Variants in OCA2 observed in about 807,000 individuals in gnomAD.
OCA2 encodes OCA2 melanosomal transmembrane protein.
In OCA2, 77 loss-of-function variants were observed where a neutral mutation model predicts 100.2. The observed-to-expected ratio is 0.77, with a 90% CI of 0.64 to 0.93. OCA2 has a LOEUF of 0.93. Ranked by LOEUF, OCA2 falls within the 40% of genes least tolerant of loss-of-function variation. The pLI, the probability that OCA2 is intolerant of heterozygous loss-of-function variation, is 0.00. For missense variants in OCA2, 1,062 were observed against 1,089.1 expected (o/e 0.98, Z 0.35); for synonymous variants, 432 against 439.2 (o/e 0.98, Z 0.21).
intron 2 of OCA2, among the ~76,000 whole-genome samples, chr15:28,054,186 G>C (rs2043610075): frequency 6.6e-6 from 1 of 151,928 alleles, no homozygotes; most frequent in South Asian, 2.1e-4. Context: ...GTGTGTATGG[G>C]TATGTGTGCA....
intron 15 of OCA2, among the ~76,000 whole-genome samples, chr15:27,960,748 C>A (rs1310764576): frequency 6.6e-6 from 1 of 151,810 alleles, no homozygotes; most frequent in Non-Finnish European, 1.5e-5. Flanking sequence ...ACTAAAAATA[C>A]AAAAAATTAG....
chr15:27,861,556 C>A (rs1033838081), intron 21 of OCA2, among the ~76,000 whole-genome samples: 1 of 151,976 alleles, frequency 6.6e-6, no homozygotes, highest in Non-Finnish European at 1.5e-5. Flanking sequence ...GAGCCCCGTG[C>A]AGGGAGGAGG....
At chr15:27,889,220 C>T (rs1489359007) in intron 19 of OCA2, among the ~76,000 whole-genome samples, 2 of 152,240 alleles carry the variant, frequency 1.3e-5, no homozygotes, top group Middle Eastern at 3.4e-3. Context: ...ACTTAGCTAC[C>T]CTTGAGCGCT....
At chr15:27,970,452 G>T (rs538701692) in intron 14 of OCA2, among the ~76,000 whole-genome samples, 1 of 152,202 alleles carries the variant, frequency 6.6e-6, no homozygotes, top group Admixed American at 6.5e-5. Flanking sequence ...AGCATGGCAG[G>T]AACGCAGGAA....
intron 2 of OCA2, among the ~76,000 whole-genome samples, chr15:28,053,491 C>T (rs2043581879): frequency 6.6e-6 from 1 of 152,196 alleles, no homozygotes; most frequent in African/African-American, 2.4e-5. Context: ...TGATTCCAAG[C>T]ATTTCTCAAG....
At chr15:27,766,976 C>T (rs1001551489) in intron 23 of OCA2, among the ~76,000 whole-genome samples, 2 of 152,238 alleles carry the variant, frequency 1.3e-5, no homozygotes, top group Admixed American at 6.5e-5. Flanking sequence ...CCTTACGTCT[C>T]CTTCCCTGGC....
intron 17 of OCA2, among the ~76,000 whole-genome samples, chr15:27,953,573 G>A (rs776055938): frequency 6.6e-5 from 10 of 152,158 alleles, no homozygotes; most frequent in Non-Finnish European, 1.2e-4. Flanking sequence ...CCCTGAGGTC[G>A]CAGCAACCAC....
chr15:27,942,365 T>C (rs1184479796), intron 18 of OCA2, among the ~76,000 whole-genome samples: 1 of 151,830 alleles, frequency 6.6e-6, no homozygotes, highest in Non-Finnish European at 1.5e-5. Context: ...CGGATGCACC[T>C]TGAAAATGTT....
the OCA2 span, among the ~76,000 whole-genome samples, chr15:27,737,568 A>G: frequency 3.6e-4 from 55 of 152,324 alleles, no homozygotes; most frequent in East Asian, 8.7e-3. Context: ...CTTGACTCCT[A>G]CTCACACCAT....
At chr15:27,861,926 G>A (rs1053122595) in intron 21 of OCA2, among the ~76,000 whole-genome samples, 8 of 152,274 alleles carry the variant, frequency 5.3e-5, no homozygotes, top group South Asian at 2.1e-4. Flanking sequence ...TGAAGGCACC[G>A]GTCTTCGTTG....
At chr15:27,962,768 T>G (rs1170532679) in intron 15 of OCA2, among the ~76,000 whole-genome samples, 4 of 152,058 alleles carry the variant, frequency 2.6e-5, no homozygotes, top group Middle Eastern at 3.2e-3. Flanking sequence ...GAAGCACAAA[T>G]ATAAAACAAT....
chr15:27,822,381 C>T (rs1390777789), intron 23 of OCA2, among the ~76,000 whole-genome samples: 1 of 152,156 alleles, frequency 6.6e-6, no homozygotes, highest in Non-Finnish European at 1.5e-5. Flanking sequence ...ATTTTTACTG[C>T]TGCTATGAAC....
At chr15:27,944,204 CT>C (rs1417619148) in intron 18 of OCA2, among the ~76,000 whole-genome samples, 1 of 152,158 alleles carries the variant, frequency 6.6e-6, no homozygotes, top group African/African-American at 2.4e-5. Context: ...CTGAAACCAC[CT>C]TTGCAAAAAT....
intron 7 of OCA2, 71 bp downstream of exon 7, chr15:28,018,326 A>T: frequency 6.7e-7 from 1 of 1,494,100 alleles, no homozygotes; most frequent in Non-Finnish European, 9.3e-7. Flanking sequence ...AATCCATTCA[A>T]GAGGAAACAC....
At chr15:27,930,039 G>A (rs550177523) in intron 18 of OCA2, among the ~76,000 whole-genome samples, 19 of 152,214 alleles carry the variant, frequency 1.2e-4, no homozygotes, top group Admixed American at 1.0e-3. Flanking sequence ...CTGCTGGTGG[G>A]AGTGTAAAAT....
intron 23 of OCA2, among the ~76,000 whole-genome samples, chr15:27,764,835 G>C (rs1394986843): frequency 6.6e-6 from 1 of 152,208 alleles, no homozygotes; most frequent in African/African-American, 2.4e-5. Context: ...TGAATCCATA[G>C]AGTAAAGCAA....
chr15:28,028,070 A>C lies in OCA2; in HGVS notation c.327-11T>G, dbSNP rs1331105178. ...GGTATGCACCGTGACCTGGAAAGCA[A>C]GAGAGGTGTGGTTATCTCTCCTGAA... On this transcript the variant is annotated splice_polypyrimidine_tract_variant and intron_variant, in intron 3 of 23. Coordinates refer to ENST00000354638, the MANE Select transcript of OCA2 (RefSeq NM_000275.3). 1 of 1,614,038 alleles carries C rather than the reference A, an allele frequency of 6.2e-7. No individual in the cohort carries two copies. The highest frequency in any genetic ancestry group is 1.3e-5 in the African/African-American group (1 of 74,936).
chr15:27,815,775 A>G (rs982368942), intron 23 of OCA2, among the ~76,000 whole-genome samples: 3 of 152,242 alleles, frequency 2.0e-5, no homozygotes, highest in Non-Finnish European at 4.4e-5. Flanking sequence ...AGACAAAACA[A>G]AACAAAAACA....
At chr15:27,751,846 C>T (rs1044988885), downstream of OCA2, among the ~76,000 whole-genome samples, 2 of 152,248 alleles carry the variant, frequency 1.3e-5, no homozygotes, top group African/African-American at 4.8e-5. Flanking sequence ...CAGGCTGCCA[C>T]TGGGCCTTGG....
Sources: allele counts gnomAD v4.1 joint callset (sites outside exome capture counted in the v4.1 genomes callset), GRCh38; gene constraint gnomAD v4.1.1; transcripts MANE v1.5; gene names NCBI Gene and HGNC (gene_info 2026-07-23, HGNC 2026-07-21).